LRPPRC: variants seen among roughly 807,000 people sequenced by gnomAD.
LRPPRC encodes leucine-rich PPR motif-containing protein, mitochondrial.
Under a neutral mutation model 180.3 loss-of-function variants are expected in LRPPRC, and 120 were observed. That is an observed-to-expected ratio of 0.67 (90% confidence interval 0.57 to 0.77). The LOEUF (loss-of-function observed/expected upper bound fraction) is 0.77. LRPPRC is among the 30% of genes least tolerant of loss of function. The probability of loss-of-function intolerance (pLI) is 0.00; values close to 1 mark genes in which losing one functional copy is unlikely to be tolerated. For missense variants in LRPPRC, 2,012 were observed against 1,657.2 expected (o/e 1.21, Z -3.72); for synonymous variants, 723 against 600.0 (o/e 1.21, Z -3.00).
chr2:43,896,677 A>C lies in LRPPRC; in HGVS notation c.3857T>G (p.Ile1286Ser). ...RCGAIAEQTP[I>S]LLLFLLRNSR... ...ATTCCTAAGGAGGAACAACAACAAA[A>C]TCGGGGTTTGTTCAGCAATTGCACC... Residue 1286 changes from isoleucine to serine, a missense_variant, in exon 35 of 38, where the codon ATT becomes AGT. Physicochemically the swap from Ile to Ser is moderately radical, Grantham distance 142 (BLOSUM62 -2). Transcript: ENST00000260665. The C allele has an allele frequency of 6.2e-7, 1 of 1,612,700 alleles. No homozygotes were observed. Among genetic ancestry groups the C allele is most frequent in the Non-Finnish European group, 8.5e-7 (1 of 1,178,778 alleles).
In LRPPRC at chr2:43,887,531, G is replaced by T. The variant is rs190916102; in HGVS notation, c.*1069C>A. 2.0e-5 allele frequency: 3 copies of T among 152,206 alleles called. No homozygotes were observed. The highest frequency in any genetic ancestry group is 4.4e-5 in the Non-Finnish European group (3 of 68,048). The allele number at this position is 152,206 out of a possible 1,614,324, so 9.4% of individuals were successfully genotyped here. On this transcript the variant is annotated 3_prime_UTR_variant, in exon 38 of 38. Transcript: ENST00000260665. The stretch of plus-strand genomic sequence containing the variant: ...TTGGCACTGAAACTGGAACAGTAGG[G>T]AGTCACCAAATTCAAATGAACAAGG...
At chr2:43,987,450 G>C (rs1173328313) in intron 1 of LRPPRC, among the ~76,000 whole-genome samples, 1 of 139,658 alleles carries the variant, frequency 7.2e-6, no homozygotes, top group Admixed American at 7.8e-5. Context: ...AGCCGAGATA[G>C]CGTCACTGCA....
At chr2:43,969,835 C>T (rs1673725163) in intron 11 of LRPPRC, among the ~76,000 whole-genome samples, 2 of 152,006 alleles carry the variant, frequency 1.3e-5, no homozygotes, top group African/African-American at 4.8e-5. Context: ...CCACCTCGCT[C>T]GGCTAATTTT....
chr2:43,889,822 T>C lies in LRPPRC; in HGVS notation c.4040A>G (p.Lys1347Arg). ...AKALYEHLTAKNTKLDDLFLK... is the reference protein window; with the variant it reads ...AKALYEHLTARNTKLDDLFLK... The stretch of plus-strand genomic sequence containing the variant: ...AAACAGATCATCCAATTTTGTATTC[T>C]TTGCAGTCAAATGTTCATACAGTGC... Residue 1347 changes from lysine to arginine, a missense_variant, in exon 37 of 38, where the codon AAG becomes AGG. Coordinates refer to ENST00000260665, the MANE Select transcript of LRPPRC (RefSeq NM_133259.4). 6.2e-7 allele frequency: 1 copy of C among 1,610,692 alleles called. No individual in the cohort carries two copies. The highest frequency in any genetic ancestry group is 1.3e-5 in the African/African-American group (1 of 75,018).
chr2:43,899,237 A>G lies in LRPPRC; in HGVS notation c.3807T>C (p.Asp1269=). Residue 1269 remains aspartate (D), a synonymous_variant, in exon 34 of 38, where the codon GAT becomes GAC. Coordinates refer to ENST00000260665, the MANE Select transcript of LRPPRC (RefSeq NM_133259.4). The part of the protein sequence containing the change: ...LQLVDAGKVD[D]ARALLQRCGA... ...TCATTACCTGTAGGAGAGCTCTGGC[A>G]TCATCCACCTTGCCTGCATCCACAA... The G allele has an allele frequency of 6.2e-7, 1 of 1,613,934 alleles. No individual in the cohort carries two copies. The highest frequency in any genetic ancestry group is 8.5e-7 in the Non-Finnish European group (1 of 1,179,818).
At chr2:43,994,581 G>A (rs188881648) in intron 1 of LRPPRC, among the ~76,000 whole-genome samples, 53 of 135,930 alleles carry the variant, frequency 3.9e-4, no homozygotes, top group Non-Finnish European at 7.0e-4. Flanking sequence ...ATAAAATGCA[G>A]ATAAATCTGG....
chr2:43,906,494 C>T (rs545738503), intron 30 of LRPPRC, among the ~76,000 whole-genome samples: 5 of 152,210 alleles, frequency 3.3e-5, no homozygotes, highest in Admixed American at 1.3e-4. Flanking sequence ...AAACAGAAAA[C>T]CCCAAAACCT....
intron 35 of LRPPRC, 180 bp downstream of exon 35, chr2:43,896,454 T>C (rs985068329): frequency 7.2e-6 from 4 of 557,190 alleles, no homozygotes; most frequent in African/African-American, 5.7e-5. Context: ...GAACTTGTTT[T>C]ACATTTCCAG....
chr2:43,915,097 G>A (rs1377601706), intron 29 of LRPPRC, among the ~76,000 whole-genome samples: 1 of 149,460 alleles, frequency 6.7e-6, no homozygotes, highest in East Asian at 2.0e-4. Flanking sequence ...AGGCATGGTG[G>A]TGGGTGCCTA....
chr2:43,960,296 C>T (rs1182485420), intron 13 of LRPPRC, among the ~76,000 whole-genome samples: 3 of 152,120 alleles, frequency 2.0e-5, no homozygotes, highest in Admixed American at 6.5e-5. Flanking sequence ...AGAATATCCA[C>T]GTCTTCAGGG....
At chr2:43,950,868 G>C (rs912969025) in intron 14 of LRPPRC, among the ~76,000 whole-genome samples, 2 of 152,140 alleles carry the variant, frequency 1.3e-5, no homozygotes, top group African/African-American at 4.8e-5. Context: ...TCAGGAGTTT[G>C]AGACCAGCCT....
At chr2:43,964,710 T>C (rs1199147846) in intron 11 of LRPPRC, among the ~76,000 whole-genome samples, 1 of 152,132 alleles carries the variant, frequency 6.6e-6, no homozygotes, top group African/African-American at 2.4e-5. Flanking sequence ...AAAAAAACTA[T>C]AATTTTTTTT....
At chr2:43,945,301 T>A in intron 22 of LRPPRC, 31 bp downstream of exon 22, 1 of 1,399,802 alleles carries the variant, frequency 7.1e-7, no homozygotes, top group South Asian at 1.2e-5. Flanking sequence ...GATACTTGCA[T>A]CACATATTTC....
intron 24 of LRPPRC, among the ~76,000 whole-genome samples, 167 bp from the exon 25 acceptor site, chr2:43,934,463 G>C (rs1373352900): frequency 6.6e-6 from 1 of 151,770 alleles, no homozygotes; most frequent in East Asian, 1.9e-4. Flanking sequence ...TAACAGAGTA[G>C]CTACAAAGAG....
At chr2:43,961,794 C>T (rs1673357710) in intron 12 of LRPPRC, among the ~76,000 whole-genome samples, 1 of 152,094 alleles carries the variant, frequency 6.6e-6, no homozygotes, top group Admixed American at 6.6e-5. Flanking sequence ...AATCCCATCT[C>T]TACTAAAAAT....
At position 43,918,406 on chromosome 2, in the gene LRPPRC, A is replaced by C; in HGVS notation, c.2897-8T>G. ...GCCAGTCACCGTTTATTTCTGTAGA[A>C]TTTGATTAAGCAGAAATTAATCAAT... On this transcript the variant is annotated splice_polypyrimidine_tract_variant and splice_region_variant and intron_variant, in intron 27 of 37. Transcript: ENST00000260665. 1 of 1,599,292 alleles carries C rather than the reference A, an allele frequency of 6.3e-7. No homozygotes were observed. The highest frequency in any genetic ancestry group is 8.6e-7 in the Non-Finnish European group (1 of 1,166,846).
intron 31 of LRPPRC, chr2:43,903,729 A>T (rs1349207966): frequency 6.6e-6 from 1 of 152,072 alleles, no homozygotes; most frequent in Non-Finnish European, 1.5e-5. Flanking sequence ...CTAACATAAA[A>T]ATAAAGGGTA....
At chr2:43,950,890 T>C (rs947150797) in intron 14 of LRPPRC, among the ~76,000 whole-genome samples, 1 of 152,056 alleles carries the variant, frequency 6.6e-6, no homozygotes, top group African/African-American at 2.4e-5. Context: ...GCCAACATGG[T>C]GAAATCCCGT....
intron 2 of LRPPRC, among the ~76,000 whole-genome samples, chr2:43,980,584 AAGAGAG>A (rs5830779): frequency 2.3e-5 from 3 of 132,798 alleles, no homozygotes; most frequent in Admixed American, 7.8e-5. Flanking sequence ...GAAAGAAAGA[AAGAGAG>A]AGAGAGAGAG....
Sources: gnomAD v4.1 joint callset for allele counts (sites outside exome capture counted in the v4.1 genomes callset) on GRCh38, gnomAD v4.1.1 for gene constraint, MANE v1.5 for transcripts, NCBI Gene and HGNC (gene_info 2026-07-23, HGNC 2026-07-21) for gene names.